Variants in ADGRV1 observed in about 807,000 individuals in gnomAD.
ADGRV1 encodes G-protein coupled receptor 98.
Under a neutral mutation model 596.2 loss-of-function variants are expected in ADGRV1, and 359 were observed. The ratio of observed to expected loss-of-function variants is 0.60; its 90% CI spans 0.55 to 0.66. ADGRV1 has a LOEUF of 0.66. Among genes scored for constraint, ADGRV1 ranks in the 30% least tolerant of loss-of-function variants. ADGRV1 has a pLI of 0.00. For missense variants in ADGRV1, 7,274 were observed against 7,575.6 expected, an observed-to-expected ratio of 0.96 and a Z score of 1.48; for synonymous variants, 2,681 against 2,679.2, an observed-to-expected ratio of 1.00 and a Z score of -0.02.
chr5:90,851,993 C>A (rs150643088), intron 79 of ADGRV1, among the ~76,000 whole-genome samples: 1,662 of 152,116 alleles, frequency 0.011, 25 homozygotes, highest in African/African-American at 0.037. Context: ...TGCAGTGACA[C>A]CTTTTAGGCT....
intron 1 of ADGRV1, among the ~76,000 whole-genome samples, chr5:90,585,557 C>A (rs1394638): frequency 0.089 from 13,551 of 152,208 alleles, 1,899 homozygotes; most frequent in African/African-American, 0.3. Flanking sequence ...GGCTGTGAAA[C>A]CTGTGGTAAA....
intron 83 of ADGRV1, among the ~76,000 whole-genome samples, chr5:90,912,723 T>C (rs1396090742): frequency 6.6e-6 from 1 of 152,170 alleles, no homozygotes; most frequent in African/African-American, 2.4e-5. Context: ...TCCAGCAGCA[T>C]CCGTGTTCCT....
intron 1 of ADGRV1, among the ~76,000 whole-genome samples, chr5:90,592,981 T>C (rs11957754): frequency 0.074 from 11,236 of 152,176 alleles, 1,374 homozygotes; most frequent in African/African-American, 0.26. Flanking sequence ...GAAATAGGAA[T>C]GGTTTTACAA....
intron 83 of ADGRV1, among the ~76,000 whole-genome samples, chr5:90,935,298 A>G (rs1032078043): frequency 5.3e-5 from 8 of 152,190 alleles, no homozygotes. Flanking sequence ...CACATACTCC[A>G]TAGTTTTGCT....
In ADGRV1 at chr5:90,750,132, G is replaced by A. The variant is rs1429605754; in HGVS notation, c.10975-419G>A. 2.6e-5 allele frequency among the ~76,000 whole-genome samples: 4 copies of A among 152,222 alleles called. No homozygotes were observed. In the East Asian group the frequency reaches 7.7e-4, roughly 29 times the overall value. On this transcript the variant is annotated intron_variant, in intron 52 of 89. Transcript: ENST00000405460. ...TACAAATAGGAAACAAAGACCTAGT[G>A]GGATTGCCAGAAGTTACACAGAGGA... is the stretch of plus-strand genomic sequence containing the variant.
chr5:90,682,889 T>G (rs935791631), intron 27 of ADGRV1, among the ~76,000 whole-genome samples: 5 of 152,224 alleles, frequency 3.3e-5, no homozygotes, highest in Non-Finnish European at 7.3e-5. Flanking sequence ...TTTCTTATAC[T>G]TTGGGTCAAA....
intron 86 of ADGRV1, among the ~76,000 whole-genome samples, chr5:91,077,857 T>C (rs926578006): frequency 1.3e-5 from 2 of 152,206 alleles, no homozygotes; most frequent in Non-Finnish European, 2.9e-5. Context: ...ATGTCTCTCT[T>C]TTTAGGCTCA....
In ADGRV1 at chr5:90,840,800, T is replaced by C; in HGVS notation, c.16834T>C (p.Tyr5612His). 6.2e-7 allele frequency: 1 copy of C among 1,613,954 alleles called. No individual in the cohort carries two copies. The highest frequency in any genetic ancestry group is 8.5e-7 in the Non-Finnish European group (1 of 1,179,870). Residue 5612 changes from tyrosine to histidine, a missense_variant, in exon 78 of 90, where the codon TAT (tyrosine) becomes CAT (histidine). Coordinates refer to ENST00000405460, the MANE Select transcript of ADGRV1 (RefSeq NM_032119.4). ...AGGTGGTGCCAGAATTGATAAAGTG[T>C]ATGGGACTGCCAACATCACTCTTGT... is the stretch of plus-strand genomic sequence containing the variant. The part of the protein sequence containing the change: ...PKGGARIDKV[Y>H]GTANITLVSD...
At position 90,692,731 on chromosome 5, in the gene ADGRV1, C is replaced by T. The variant is rs369782677; in HGVS notation, c.7078C>T (p.Arg2360Cys). Residue 2360 changes from arginine (R) to cysteine (C), a missense_variant, in exon 32 of 90, where the codon CGT (arginine) becomes TGT (cysteine). Arg to Cys is a radical substitution (Grantham distance 180). This residue lies in a region of ADGRV1 where 3,643 missense variants were observed against 3,809.2 expected (regional missense o/e 0.96). Transcript: ENST00000405460. The part of the protein sequence containing the change: ...GTVAFAQMVY[R>C]VQEPLERSSC... ...AGTAGCCTTTGCTCAGATGGTTTAT[C>T]GTGTTCAAGAGCCTCTGGAAAGAAG... 1.7e-5 allele frequency: 27 copies of T among 1,608,364 alleles called. No individual in the cohort carries two copies. In the African/African-American group the frequency reaches 2.1e-4, roughly 13 times the overall value.
At chr5:90,571,237 T>C (rs1029185010) in intron 1 of ADGRV1, among the ~76,000 whole-genome samples, 3 of 152,088 alleles carry the variant, frequency 2.0e-5, no homozygotes, top group Non-Finnish European at 4.4e-5. Flanking sequence ...TCTCCCAGTT[T>C]TTGCTTGGGA....
chr5:90,972,463 C>A (rs1209699567), intron 84 of ADGRV1, among the ~76,000 whole-genome samples: 1 of 152,114 alleles, frequency 6.6e-6, no homozygotes, highest in African/African-American at 2.4e-5. Flanking sequence ...TAAAGCACTC[C>A]TCAGCAAATG....
chr5:90,941,548 C>T (rs1314616975), intron 83 of ADGRV1, among the ~76,000 whole-genome samples: 1 of 152,112 alleles, frequency 6.6e-6, no homozygotes, highest in Admixed American at 6.6e-5. Context: ...TATTTAAAAC[C>T]TGCTGGATGG....
intron 85 of ADGRV1, among the ~76,000 whole-genome samples, chr5:91,038,829 C>T (rs1263942613): frequency 6.6e-6 from 1 of 152,128 alleles, no homozygotes; most frequent in African/African-American, 2.4e-5. Context: ...GTAGTTTTTA[C>T]TTGAATTCAT....
intron 85 of ADGRV1, chr5:91,031,359 G>A (rs536632320): frequency 7.8e-5 from 94 of 1,210,910 alleles, no homozygotes; most frequent in South Asian, 3.9e-4. Context: ...TATCTCATCC[G>A]CTGACGGAAG....
At chr5:91,030,498 ACT>A (rs536419963) in intron 85 of ADGRV1, among the ~76,000 whole-genome samples, 27 of 151,742 alleles carry the variant, frequency 1.8e-4, no homozygotes, top group Admixed American at 4.6e-4. Flanking sequence ...GTGAATTTTG[ACT>A]CTAATTTCTT....
intron 70 of ADGRV1, among the ~76,000 whole-genome samples, chr5:90,798,878 C>G (rs1761041257): frequency 6.6e-6 from 1 of 152,094 alleles, no homozygotes; most frequent in African/African-American, 2.4e-5. Context: ...ATTCAGCAGC[C>G]CTTCATGCTA....
rs751354925 is a variant in ADGRV1, at chr5:90,685,936, G to A, written c.6431G>A (p.Gly2144Glu). 3 of 1,608,478 alleles carry A rather than the reference G, an allele frequency of 1.9e-6. No homozygotes were observed. The highest frequency in any genetic ancestry group is 1.3e-5 in the African/African-American group (1 of 74,988). Residue 2144 changes from glycine to glutamate, a missense_variant, in exon 29 of 90, where the codon GGA becomes GAA. By Grantham distance (98) the Gly-to-Glu change is moderately conservative. Around this residue, in one of 5 missense-constraint regions of ADGRV1, gnomAD observed 3,643 missense variants for 3,809.2 expected, o/e 0.96. Transcript: ENST00000405460. ...CCCATTATCAATGTGACTAGAACAGGAGGAGCATTTGCAGATGTCTCTGTG... is the reference window on the plus strand; with the variant it reads ...CCCATTATCAATGTGACTAGAACAGAAGGAGCATTTGCAGATGTCTCTGTG... The part of the protein sequence containing the change: ...VGPIINVTRT[G>E]GAFADVSVKF...
intron 83 of ADGRV1, among the ~76,000 whole-genome samples, chr5:90,951,844 C>G (rs1420522100): frequency 6.6e-6 from 1 of 152,052 alleles, no homozygotes; most frequent in African/African-American, 2.4e-5. Context: ...AACTTTGATT[C>G]ATGAAATCCA....
Position 90,614,499 on chromosome 5 carries a change from T to A in ADGRV1, c.23-336T>A, listed in dbSNP as rs541615416. 2.6e-5 allele frequency among the ~76,000 whole-genome samples: 4 copies of A among 152,250 alleles called. 1 individual carries two copies. In the South Asian group the frequency reaches 8.3e-4, roughly 31 times the overall value. On this transcript the variant is annotated intron_variant, in intron 1 of 89. Coordinates refer to ENST00000405460, the MANE Select transcript of ADGRV1 (RefSeq NM_032119.4). ...ATGGGCTTTAATTAAATTTCCATGT[T>A]GCTGCTTAGGTTTTTCTTAAAATGT...
Sources: gnomAD v4.1 joint callset for allele counts (sites outside exome capture counted in the v4.1 genomes callset) on GRCh38, gnomAD v4.1.1 for gene constraint, gnomAD v4.1.1 regional missense constraint, MANE v1.5 for transcripts, NCBI Gene and HGNC (gene_info 2026-07-23, HGNC 2026-07-21) for gene names.